The following DOCK11 variants were observed in gnomAD, a reference collection of about 807,000 sequenced individuals.
DOCK11 encodes the protein dedicator of cytokinesis protein 11.
In DOCK11, 70 loss-of-function variants were observed where a neutral mutation model predicts 169.1. That is an observed-to-expected ratio of 0.41 (90% CI 0.34 to 0.51). DOCK11 has a LOEUF of 0.51. Among genes scored for constraint, DOCK11 ranks in the 20% least tolerant of loss-of-function variants. The pLI is 0.10. For missense variants in DOCK11, 1,166 were observed against 1,538.8 expected (o/e 0.76, Z 4.05); for synonymous variants, 529 against 541.3 (o/e 0.98, Z 0.32).
rs2012904089 is a variant in DOCK11 at position 118,561,378 on chromosome X, T to C, written c.559-5T>C. ...ATGTATCATTGCTGGGTTTTCCCCATGTAGGTATTCAAGAGACGATATTTT... is the reference window on the plus strand; with the variant it reads ...ATGTATCATTGCTGGGTTTTCCCCACGTAGGTATTCAAGAGACGATATTTT... On this transcript the variant is annotated splice_polypyrimidine_tract_variant and splice_region_variant and intron_variant, in intron 6 of 52. Transcript: ENST00000276202. 2.5e-6 allele frequency: 3 copies of C among 1,185,681 alleles called. No homozygotes were observed. The highest frequency in any genetic ancestry group is 2.4e-5 in the Admixed American group (1 of 42,341).
At chrX:118,568,396 A>ATATATATATATATATATT (rs2013154291) in intron 10 of DOCK11, among the ~76,000 whole-genome samples, 1 of 80,226 alleles carries the variant, frequency 1.2e-5, no homozygotes, top group Non-Finnish European at 2.4e-5. Context: ...ATATATATAT[A>ATATATATATATATATATT]TATATATATA....
At chrX:118,500,684 A>G (rs1291216417) in intron 1 of DOCK11, among the ~76,000 whole-genome samples, 1 of 110,556 alleles carries the variant, frequency 9.0e-6, no homozygotes, top group African/African-American at 3.3e-5. Flanking sequence ...GCAGTGGTGT[A>G]ATCATGGCTC....
At chrX:118,558,170 A>C (rs2012782143) in intron 6 of DOCK11, among the ~76,000 whole-genome samples, 2 of 109,185 alleles carry the variant, frequency 1.8e-5, no homozygotes, top group South Asian at 7.9e-4. Context: ...ACACGGTTTC[A>C]CCATGTTGGC....
At chrX:118,593,370 G>A in intron 20 of DOCK11, 33 bp downstream of exon 20, 1 of 1,168,664 alleles carries the variant, frequency 8.6e-7, no homozygotes, top group Admixed American at 2.5e-5. Context: ...TCTCTCTACA[G>A]TTATTTGAAA....
chrX:118,683,342 C>G, intron 52 of DOCK11, 125 bp downstream of exon 52: 1 of 755,530 alleles, frequency 1.3e-6, no homozygotes, highest in Non-Finnish European at 1.8e-6. Context: ...AAACTTTTTT[C>G]ATATTATCTT....
At chrX:118,507,564 G>A (rs2057622120) in intron 1 of DOCK11, among the ~76,000 whole-genome samples, 1 of 111,451 alleles carries the variant, frequency 9.0e-6, no homozygotes, top group South Asian at 3.8e-4. Flanking sequence ...TGGCCATGCT[G>A]GTTTTGAACT....
intron 9 of DOCK11, among the ~76,000 whole-genome samples, chrX:118,567,025 G>A (rs1477726317): frequency 1.2e-4 from 14 of 112,090 alleles, no homozygotes; most frequent in Non-Finnish European, 2.3e-4. Context: ...ACCAACATAT[G>A]TTAATCTCAC....
chrX:118,530,519 C>T (rs748086431), intron 1 of DOCK11, among the ~76,000 whole-genome samples: 2 of 112,189 alleles, frequency 1.8e-5, no homozygotes, highest in African/African-American at 6.5e-5. Context: ...CTTCCCAGCT[C>T]ATCTTGGCCA....
At chrX:118,628,385 A>T (rs778776005) in intron 34 of DOCK11, 113 bp downstream of exon 34, 14 of 444,773 alleles carry the variant, frequency 3.1e-5, no homozygotes, top group Non-Finnish European at 1.5e-5. Context: ...GGCTCTGCGA[A>T]AAGCATCCCA....
intron 46 of DOCK11, among the ~76,000 whole-genome samples, chrX:118,672,730 C>T (rs968717983): frequency 4.4e-5 from 5 of 113,171 alleles, no homozygotes; most frequent in African/African-American, 1.6e-4. Context: ...CCACCGTGCC[C>T]GGCCTGGCCA....
Position 118,680,678 on chromosome X carries a change from G to A in DOCK11, c.5657G>A (p.Arg1886His), listed in dbSNP as rs761146706. ...QGCIEEQCKR[R>H]TILTTSNSFP... ...TGTATAGAAGAACAGTGCAAACGCC[G>A]TACAATCTTGACAAGTAAGTACAAT... The change falls in exon 49 of 53, where the codon CGT becomes CAT. Residue 1886 changes from arginine (R) to histidine (H), a missense_variant. Coordinates refer to ENST00000276202, the MANE Select transcript of DOCK11 (RefSeq NM_144658.4). The A allele has an allele frequency of 1.9e-5, 22 of 1,176,236 alleles. No homozygotes were observed. Among genetic ancestry groups the A allele is most frequent in the Middle Eastern group, 2.4e-4 (1 of 4,223 alleles).
At chrX:118,651,192 G>C (rs2015936884) in intron 41 of DOCK11, among the ~76,000 whole-genome samples, 1 of 112,026 alleles carries the variant, frequency 8.9e-6, no homozygotes, top group Non-Finnish European at 1.9e-5. Flanking sequence ...CTAGCACTTT[G>C]GGCGGCATAA....
intron 14 of DOCK11, among the ~76,000 whole-genome samples, chrX:118,581,743 G>T (rs946039132): frequency 1.0e-4 from 10 of 97,808 alleles, no homozygotes; most frequent in African/African-American, 3.8e-4. Context: ...GGTGGAGCTT[G>T]CAGTGAGCAG....
chrX:118,543,710 G>T (rs1431219043), intron 4 of DOCK11, 117 bp downstream of exon 4: 3 of 515,951 alleles, frequency 5.8e-6, no homozygotes, highest in Non-Finnish European at 9.8e-6. Flanking sequence ...CAGCACTTTG[G>T]GAGGCCGAGG....
chrX:118,568,697 G>A (rs965706882), intron 10 of DOCK11, among the ~76,000 whole-genome samples: 2 of 109,299 alleles, frequency 1.8e-5, no homozygotes, highest in Non-Finnish European at 1.9e-5. Context: ...GTTTATACGC[G>A]GATGTGTATT....
At chrX:118,529,069 C>T (rs1455814308) in intron 1 of DOCK11, among the ~76,000 whole-genome samples, 2 of 109,310 alleles carry the variant, frequency 1.8e-5, no homozygotes, top group African/African-American at 6.7e-5. Context: ...CTGCAACCTC[C>T]GCCTCCTGGG....
rs75821863 is a variant in DOCK11 at position 118,675,451 on chromosome X, G to A, written c.5200-485G>A. ...TTGAGATGTGAATGAAATGAAGCAT[G>A]ATATTAAGAAATACATTGTCATTGA... On this transcript the variant is annotated intron_variant, in intron 46 of 52. Coordinates refer to ENST00000276202, the MANE Select transcript of DOCK11 (RefSeq NM_144658.4). Among the ~76,000 whole-genome samples the A allele has an allele frequency of 2.0e-3, 219 of 111,004 alleles. 6 individuals are homozygous for A. The East Asian group carries it at 0.059, about 30-fold the overall frequency.
At chrX:118,577,901 A>G (rs930112126) in intron 12 of DOCK11, among the ~76,000 whole-genome samples, 4 of 112,184 alleles carry the variant, frequency 3.6e-5, no homozygotes, top group South Asian at 3.6e-4. Flanking sequence ...AGATGATATT[A>G]TATTTGGAAG....
intron 32 of DOCK11, among the ~76,000 whole-genome samples, chrX:118,626,240 TG>T (rs1201282468): frequency 5.6e-5 from 4 of 71,679 alleles, no homozygotes; most frequent in Admixed American, 3.6e-4. Flanking sequence ...TAATTTTTTT[TG>T]TACTTTTAGT....
Sources: allele counts gnomAD v4.1 joint callset (sites outside exome capture counted in the v4.1 genomes callset), GRCh38; gene constraint gnomAD v4.1.1; transcripts MANE v1.5; gene names NCBI Gene and HGNC (gene_info 2026-07-23, HGNC 2026-07-21).